The following PMFBP1 variants were observed in gnomAD, a reference collection of about 807,000 sequenced individuals.
PMFBP1 encodes the protein polyamine modulated factor 1 binding protein 1.
Under a neutral mutation model 137.8 loss-of-function variants are expected in PMFBP1, and 131 were observed. That is an observed-to-expected ratio of 0.95 (90% CI 0.82 to 1.10). PMFBP1 has a LOEUF of 1.10. Among genes scored for constraint, PMFBP1 ranks in the 50% least tolerant of loss-of-function variants. The pLI, the probability that PMFBP1 is intolerant of heterozygous loss-of-function variation, is 0.00. For missense variants in PMFBP1, 1,199 were observed against 1,175.4 expected (o/e 1.02, Z -0.29); for synonymous variants, 490 against 450.4 (o/e 1.09, Z -1.11).
At chr16:72,177,590 C>T (rs1215051911), upstream of PMFBP1, among the ~76,000 whole-genome samples, 1 of 152,176 alleles carries the variant, frequency 6.6e-6, no homozygotes, top group Non-Finnish European at 1.5e-5. Context: ...ACCCTTTCCC[C>T]AGTTTCCCCA....
intron 14 of PMFBP1, chr16:72,128,343 T>C (rs1389375980): frequency 1.6e-5 from 21 of 1,298,438 alleles, no homozygotes; most frequent in Non-Finnish European, 2.1e-5. Context: ...AAGTGTTCCC[T>C]AGCAAATTGC....
rs1304174408 is a variant in PMFBP1, at chr16:72,132,547, G to A, written c.1447+201C>T. Among the ~76,000 whole-genome samples, 3 of 152,210 alleles carry A rather than the reference G, an allele frequency of 2.0e-5. No individual in the cohort carries two copies. In the East Asian group the frequency reaches 5.8e-4, roughly 29 times the overall value. ...GTGGGTGGGTGACTACAGAGGGCAG[G>A]TGAGCTTGGGAGTGGGTGAAGGAAT... On this transcript the variant is annotated intron_variant, in intron 10 of 20. Coordinates refer to ENST00000237353, the MANE Select transcript of PMFBP1 (RefSeq NM_031293.3).
At chr16:72,159,282 G>A (rs1278173660) in intron 3 of PMFBP1, among the ~76,000 whole-genome samples, 1 of 152,154 alleles carries the variant, frequency 6.6e-6, no homozygotes, top group Non-Finnish European at 1.5e-5. Context: ...TGGTCTTAAA[G>A]CTTCTGGTGG....
Position 72,119,195 on chromosome 16 carries a change from A to G in PMFBP1, c.*143T>C. On this transcript the variant is annotated 3_prime_UTR_variant, in exon 21 of 21. Transcript: ENST00000237353. ...GGCAGGAAGTGGACAAAACTCAACA[A>G]AAGTTAGTGTCTTGCAAAATAGGCT... The G allele has an allele frequency of 1.1e-6, 1 of 937,266 alleles. No homozygotes were observed. Among genetic ancestry groups the G allele is most frequent in the Non-Finnish European group, 1.7e-6 (1 of 601,484 alleles). 58.1% of individuals were successfully genotyped at this position (937,266 alleles called of 1,614,324 possible). A position where few individuals can be genotyped will look rare whatever the true frequency, so the allele number is the denominator to read the frequency against.
In PMFBP1 at chr16:72,124,744, C is replaced by A. The variant is rs770897684; in HGVS notation, c.2589+23G>T. On this transcript the variant is annotated intron_variant, in intron 17 of 20. Coordinates refer to ENST00000237353, the MANE Select transcript of PMFBP1 (RefSeq NM_031293.3). ...TGCCTGGAGGCACTGAGAGGAGGCA[C>A]GCAGAAGCCAAGGCATGCCCACCTC... The A allele has an allele frequency of 3.4e-5, 54 of 1,606,684 alleles. No individual in the cohort carries two copies. In the Admixed American group the frequency reaches 8.9e-4, roughly 26 times the overall value.
chr16:72,197,331 C>A, the PMFBP1 span, among the ~76,000 whole-genome samples: 1 of 152,142 alleles, frequency 6.6e-6, no homozygotes, highest in Non-Finnish European at 1.5e-5. Flanking sequence ...GCATGAGAAG[C>A]CAGGAGGCCT....
chr16:72,182,532 G>A, the PMFBP1 span, among the ~76,000 whole-genome samples: 1 of 151,346 alleles, frequency 6.6e-6, no homozygotes, highest in Non-Finnish European at 1.5e-5. Context: ...AGAGGTTAGG[G>A]GATAGCAGGA....
At chr16:72,118,183 A>G (rs1011300671), downstream of PMFBP1, among the ~76,000 whole-genome samples, 9 of 152,238 alleles carry the variant, frequency 5.9e-5, no homozygotes, top group Non-Finnish European at 1.2e-4. Context: ...CTTTAGTTTG[A>G]ATAAAGCAAG....
chr16:72,214,770 G>A, the PMFBP1 span, among the ~76,000 whole-genome samples: 1 of 152,136 alleles, frequency 6.6e-6, no homozygotes, highest in Non-Finnish European at 1.5e-5. Flanking sequence ...TATAAGAGAT[G>A]TCAGCAGGTA....
upstream of PMFBP1, among the ~76,000 whole-genome samples, chr16:72,176,194 G>A (rs1439679279): frequency 6.6e-6 from 1 of 152,156 alleles, no homozygotes; most frequent in East Asian, 1.9e-4. Flanking sequence ...AGAAAGTAGG[G>A]CTAGTTGGGT....
chr16:72,125,349 T>C lies in PMFBP1; in HGVS notation c.2310A>G (p.Gln770=). The stretch of plus-strand genomic sequence containing the variant: ...CCTCTTCCAGCTGAGCTTTCTTCTC[T>C]TGGGTCTGTGTCAAGCTTTGCTGCA... ...KSLQQSLTQT[Q]EKKAQLEEEI... is the part of the protein sequence containing the mutation. Residue 770 remains glutamine, a synonymous_variant, in exon 16 of 21, where the codon CAA becomes CAG. Transcript: ENST00000237353. 1.2e-6 allele frequency: 2 copies of C among 1,614,194 alleles called. No individual in the cohort carries two copies. The highest frequency in any genetic ancestry group is 1.7e-6 in the Non-Finnish European group (2 of 1,180,028).
chr16:72,238,478 G>A, the PMFBP1 span, among the ~76,000 whole-genome samples: 15 of 152,246 alleles, frequency 9.9e-5, no homozygotes, highest in South Asian at 4.1e-4. Context: ...GCCTGTTCAC[G>A]TCCTTTGCCC....
chr16:72,125,238 C>T lies in PMFBP1; in HGVS notation c.2421G>A (p.Glu807=). ...GCCCAAGCCCCTGGCAGCTCCTCAC[C>T]TCCAGCTCACTCTCCTGGTGGAAGC... ...LRGFHQESEL[E]VHAFDKKLEE... Residue 807 remains glutamate (E), a splice_region_variant and synonymous_variant, in exon 16 of 21, where the codon GAG becomes GAA. Coordinates refer to ENST00000237353, the MANE Select transcript of PMFBP1 (RefSeq NM_031293.3). 1.9e-6 allele frequency: 3 copies of T among 1,612,730 alleles called. No homozygotes were observed. Among genetic ancestry groups the T allele is most frequent in the Non-Finnish European group, 1.7e-6 (2 of 1,179,534 alleles).
upstream of PMFBP1, among the ~76,000 whole-genome samples, chr16:72,178,531 T>C (rs1216067404): frequency 6.6e-6 from 1 of 152,206 alleles, no homozygotes; most frequent in Non-Finnish European, 1.5e-5. Context: ...AACTCTTCTG[T>C]AAGAAAGAGC....
At chr16:72,167,005 C>T (rs544659317) in intron 2 of PMFBP1, among the ~76,000 whole-genome samples, 116 of 152,280 alleles carry the variant, frequency 7.6e-4, no homozygotes, top group Admixed American at 2.5e-3. Context: ...TCCTCCTGAC[C>T]CTGTAGCCAG....
At chr16:72,129,353 T>A in intron 12 of PMFBP1, 120 bp from the exon 13 acceptor site, 2 of 1,141,278 alleles carry the variant, frequency 1.8e-6, no homozygotes, top group Non-Finnish European at 2.4e-6. Context: ...TCCTTAGTTA[T>A]ATAGCATATG....
At chr16:72,218,512 C>T in the PMFBP1 span, among the ~76,000 whole-genome samples, 1 of 152,054 alleles carries the variant, frequency 6.6e-6, no homozygotes, top group African/African-American at 2.4e-5. Flanking sequence ...AACTCCTGAC[C>T]TCAAATGATC....
At chr16:72,147,179 T>C (rs1302774475) in intron 5 of PMFBP1, among the ~76,000 whole-genome samples, 1 of 152,130 alleles carries the variant, frequency 6.6e-6, no homozygotes, top group Non-Finnish European at 1.5e-5. Flanking sequence ...AACAGATATA[T>C]AGACCAATGG....
intron 6 of PMFBP1, among the ~76,000 whole-genome samples, chr16:72,139,990 G>A (rs570491025): frequency 6.6e-6 from 1 of 152,270 alleles, no homozygotes; most frequent in Non-Finnish European, 1.5e-5. Context: ...TATCATTAGA[G>A]ATAAAACAAA....
Sources: gnomAD v4.1 joint callset for allele counts (sites outside exome capture counted in the v4.1 genomes callset) on GRCh38, gnomAD v4.1.1 for gene constraint, MANE v1.5 for transcripts, NCBI Gene and HGNC (gene_info 2026-07-23, HGNC 2026-07-21) for gene names.